NDC1: variants seen among roughly 807,000 people sequenced by gnomAD.
NDC1 encodes NDC1 transmembrane nucleoporin, also known as nucleoporin NDC1.
In NDC1, 24 loss-of-function variants were observed where a neutral mutation model predicts 89.8. The observed-to-expected ratio is 0.27, with a 90% CI of 0.19 to 0.38. The LOEUF (loss-of-function observed/expected upper bound fraction) is 0.38, where lower values mean the gene tolerates loss of function less well. Among genes scored for constraint, NDC1 ranks in the 10% least tolerant of loss-of-function variants. The pLI is 1.00. For missense variants in NDC1, 728 were observed against 797.6 expected (o/e 0.91, Z 1.05); for synonymous variants, 296 against 284.8 (o/e 1.04, Z -0.39).
intron 17 of NDC1, among the ~76,000 whole-genome samples, chr1:53,770,036 T>A (rs1647098859): frequency 6.6e-6 from 1 of 152,160 alleles, no homozygotes; most frequent in Non-Finnish European, 1.5e-5. Context: ...ATATTTTAAC[T>A]CCAGATCTAA....
At chr1:53,819,734 C>T (rs1047997329) in intron 5 of NDC1, among the ~76,000 whole-genome samples, 1 of 152,098 alleles carries the variant, frequency 6.6e-6, no homozygotes, top group African/African-American at 2.4e-5. Flanking sequence ...TCTAGTGCTC[C>T]CTCTTTCTGT....
At chr1:53,788,325 G>A (rs1004770750) in intron 15 of NDC1, among the ~76,000 whole-genome samples, 1 of 152,032 alleles carries the variant, frequency 6.6e-6, no homozygotes, top group Non-Finnish European at 1.5e-5. Flanking sequence ...ACTAAGTGTG[G>A]TGGCTCACAC....
chr1:53,795,037 A>G (rs115841704), intron 13 of NDC1, among the ~76,000 whole-genome samples: 2,578 of 152,050 alleles, frequency 0.017, 79 homozygotes, highest in African/African-American at 0.059. Context: ...TTTTGTCCCC[A>G]CTACTCCAGC....
At chr1:53,802,864 T>A (rs1181149) in intron 10 of NDC1, among the ~76,000 whole-genome samples, 2,446 of 152,176 alleles carry the variant, frequency 0.016, 75 homozygotes, top group African/African-American at 0.055. Flanking sequence ...TTGAATCTAG[T>A]TTCTTCCTAA....
intron 4 of NDC1, among the ~76,000 whole-genome samples, chr1:53,827,149 C>T (rs972222467): frequency 7.1e-4 from 108 of 151,928 alleles, no homozygotes; most frequent in Non-Finnish European, 2.6e-4. Context: ...AAACAACCTG[C>T]CTTATATAAT....
intron 16 of NDC1, among the ~76,000 whole-genome samples, chr1:53,777,182 G>C (rs1220665075): frequency 6.6e-6 from 1 of 152,064 alleles, no homozygotes; most frequent in Non-Finnish European, 1.5e-5. Context: ...ACAGCACCCA[G>C]CTAATTTTTT....
intron 1 of NDC1, 151 bp downstream of exon 1, chr1:53,838,054 T>C: frequency 1.4e-6 from 1 of 695,812 alleles, no homozygotes; most frequent in Non-Finnish European, 2.4e-6. Flanking sequence ...CCCACAACCC[T>C]GCAATCAGTC....
chr1:53,802,854 T>C (rs1027113150), intron 10 of NDC1, among the ~76,000 whole-genome samples: 1 of 152,168 alleles, frequency 6.6e-6, no homozygotes, highest in Admixed American at 6.5e-5. Flanking sequence ...TGAGTCACCA[T>C]TGAATCTAGT....
chr1:53,823,916 A>G (rs1570230761), intron 5 of NDC1, among the ~76,000 whole-genome samples: 1 of 152,314 alleles, frequency 6.6e-6, no homozygotes, highest in East Asian at 1.9e-4. Flanking sequence ...TGCAACAGGC[A>G]TGTGAAAACT....
In NDC1 at chr1:53,838,190, G is replaced by A. The variant is rs945822180; in HGVS notation, c.57+15C>T. 14 of 1,533,304 alleles carry A rather than the reference G, an allele frequency of 9.1e-6. No homozygotes were observed. The African/African-American group carries it at 1.6e-4, about 18-fold the overall frequency. The allele number at this position is 1,533,304 out of a possible 1,614,324, so 95.0% of individuals were successfully genotyped here. ...CGACCCTGGCAGTGCGTGCCACAGT[G>A]CACGCCGCACTCACGCGCCACAGTA... On this transcript the variant is annotated intron_variant, in intron 1 of 17. Coordinates refer to ENST00000371429, the MANE Select transcript of NDC1 (RefSeq NM_018087.5).
chr1:53,835,687 T>A (rs890448551), intron 1 of NDC1, 67 bp from the exon 2 acceptor site: 2 of 1,401,272 alleles, frequency 1.4e-6, no homozygotes, highest in African/African-American at 2.9e-5. Context: ...GCAAATCCTA[T>A]CTTTTCATAC....
intron 13 of NDC1, among the ~76,000 whole-genome samples, chr1:53,793,771 T>C (rs1398349372): frequency 6.6e-6 from 1 of 151,960 alleles, no homozygotes; most frequent in East Asian, 1.9e-4. Context: ...TAAATGTTTT[T>C]GTACAGACAG....
intron 15 of NDC1, among the ~76,000 whole-genome samples, chr1:53,788,706 C>T (rs1168817032): frequency 2.0e-5 from 3 of 151,874 alleles, no homozygotes; most frequent in Non-Finnish European, 2.9e-5. Flanking sequence ...GGATTACAGG[C>T]GTGAGCCACC....
rs542794669 is a variant in NDC1 at position 53,784,321 on chromosome 1, T to C, written c.1800+2837A>G. 8.5e-5 allele frequency among the ~76,000 whole-genome samples: 13 copies of C among 152,048 alleles called. No individual in the cohort carries two copies. The East Asian group carries it at 2.5e-3, about 29-fold the overall frequency. On this transcript the variant is annotated intron_variant, in intron 16 of 17. Transcript: ENST00000371429. Reference sequence around the variant, plus strand: ...AGTCCAAAAACTTTGAAAGCCACAGTTCTAAGGGTAGAATCATTCTCTCTG... The same window carrying C: ...AGTCCAAAAACTTTGAAAGCCACAGCTCTAAGGGTAGAATCATTCTCTCTG...
rs953090705 is a variant in NDC1 at position 53,830,818 on chromosome 1, C to T, written c.280+1672G>A. Reference sequence around the variant, plus strand: ...CAGAGGTTGCGGTGAGCCGAGATCACGCCATTGCACTCCAGCCTGGGCAAC... The same window carrying T: ...CAGAGGTTGCGGTGAGCCGAGATCATGCCATTGCACTCCAGCCTGGGCAAC... On this transcript the variant is annotated intron_variant, in intron 3 of 17. Coordinates refer to ENST00000371429, the MANE Select transcript of NDC1 (RefSeq NM_018087.5). 8.0e-5 allele frequency among the ~76,000 whole-genome samples: 12 copies of T among 150,632 alleles called. 1 individual carries two copies. The highest frequency in any genetic ancestry group is 2.0e-4 in the East Asian group (1 of 5,042).
At chr1:53,820,673 GA>G (rs1648638132) in intron 5 of NDC1, among the ~76,000 whole-genome samples, 1 of 118,430 alleles carries the variant, frequency 8.4e-6, no homozygotes, top group South Asian at 2.9e-4. Context: ...TAAGGAAAAA[GA>G]AAAAAATAAA....
chr1:53,779,254 T>TAG (rs2100627056), intron 16 of NDC1, among the ~76,000 whole-genome samples: 1 of 152,166 alleles, frequency 6.6e-6, no homozygotes, highest in East Asian at 1.9e-4. Context: ...TCTCATTTAC[T>TAG]CTTCATAACC....
chr1:53,819,938 T>G (rs1250628431), intron 5 of NDC1, among the ~76,000 whole-genome samples: 1 of 149,398 alleles, frequency 6.7e-6, no homozygotes, highest in Non-Finnish European at 1.5e-5. Context: ...TGATAGCTGA[T>G]GAGCTTAAAA....
At chr1:53,808,623 A>G (rs147273950) in intron 7 of NDC1, among the ~76,000 whole-genome samples, 57 of 152,356 alleles carry the variant, frequency 3.7e-4, no homozygotes, top group Admixed American at 1.2e-3. Context: ...TAAATGAAGG[A>G]CAGATTATCA....
Sources: allele counts gnomAD v4.1 joint callset (sites outside exome capture counted in the v4.1 genomes callset), GRCh38; gene constraint gnomAD v4.1.1; transcripts MANE v1.5; gene names NCBI Gene and HGNC (gene_info 2026-07-23, HGNC 2026-07-21).